Variants in STK39 observed in about 807,000 individuals in gnomAD.
STK39 encodes the protein serine/threonine kinase 39.
Under a neutral mutation model 77.8 loss-of-function variants are expected in STK39, and 20 were observed. That is an observed-to-expected ratio of 0.26 (90% CI 0.18 to 0.37). The LOEUF is 0.37. Among genes scored for constraint, STK39 ranks in the 10% least tolerant of loss-of-function variants. The pLI, the probability that STK39 is intolerant of heterozygous loss-of-function variation, is 1.00. For synonymous variants in STK39, 246 were observed against 234.1 expected (o/e 1.05, Z -0.47); for missense variants, 479 against 656.5 (o/e 0.73, Z 2.95).
intron 9 of STK39, 27 bp from the exon 10 acceptor site, chr2:168,129,633 T>A: frequency 6.2e-7 from 1 of 1,614,010 alleles, no homozygotes. Context: ...CCCAACAGTT[T>A]AACATCAAAT....
intron 14 of STK39, among the ~76,000 whole-genome samples, chr2:168,060,034 C>T (rs559635232): frequency 7.9e-5 from 12 of 152,210 alleles, no homozygotes; most frequent in Non-Finnish European, 8.8e-5. Context: ...TTACCATTTT[C>T]GTTTACTTTA....
At chr2:168,142,639 G>T (rs1360840340) in intron 5 of STK39, among the ~76,000 whole-genome samples, 2 of 152,146 alleles carry the variant, frequency 1.3e-5, no homozygotes, top group Non-Finnish European at 2.9e-5. Context: ...AAGATGTATA[G>T]TAGCCATTTA....
chr2:168,112,112 T>G (rs1483028092), intron 10 of STK39, among the ~76,000 whole-genome samples: 1 of 151,394 alleles, frequency 6.6e-6, no homozygotes, highest in Non-Finnish European at 1.5e-5. Flanking sequence ...TTAAGCAACA[T>G]TTAAAGAAAA....
intron 14 of STK39, among the ~76,000 whole-genome samples, chr2:168,044,532 C>T (rs1191108793): frequency 6.6e-6 from 1 of 152,074 alleles, no homozygotes; most frequent in African/African-American, 2.4e-5. Context: ...AAGAAAGATG[C>T]TAACACTGAA....
chr2:168,037,525 G>A lies in STK39; in HGVS notation c.1377-20430C>T, dbSNP rs140617498. Among the ~76,000 whole-genome samples the A allele has an allele frequency of 2.0e-4, 30 of 152,252 alleles. No homozygotes were observed. In the East Asian group the frequency reaches 5.8e-3, roughly 29 times the overall value. On this transcript the variant is annotated intron_variant, in intron 14 of 17. Coordinates refer to ENST00000355999, the MANE Select transcript of STK39 (RefSeq NM_013233.3). ...AGTTTTTAGGTCATTGTTTATGGTG[G>A]CGAAAATCTGGAACCAAATTAAGTC...
At position 168,140,686 on chromosome 2, in the gene STK39, C is replaced by T. The variant is rs1351251071; in HGVS notation, c.701G>A (p.Gly234Asp). Residue 234 changes from glycine (G) to aspartate (D), a missense_variant, in exon 6 of 18, where the codon GGC (glycine) becomes GAC (aspartate). Physicochemically the swap from Gly to Asp is moderately conservative, Grantham distance 94. Coordinates refer to ENST00000355999, the MANE Select transcript of STK39 (RefSeq NM_013233.3). ...TTCAGGAGCCATCCAACATGGGGTG[C>T]CAACGAATGTTTTTCTTACTTTATT... ...TRNKVRKTFV[G>D]TPCWMAPEVM... The T allele has an allele frequency of 6.2e-7, 1 of 1,611,604 alleles. No individual in the cohort carries two copies. Among genetic ancestry groups the T allele is most frequent in the Admixed American group, 1.7e-5 (1 of 59,884 alleles).
intron 12 of STK39, among the ~76,000 whole-genome samples, chr2:168,071,292 T>C (rs1450436576): frequency 6.6e-6 from 1 of 152,286 alleles, no homozygotes; most frequent in South Asian, 2.1e-4. Flanking sequence ...ACCCAATTCA[T>C]GTCATCAGTG....
intron 14 of STK39, among the ~76,000 whole-genome samples, chr2:168,017,736 C>A (rs1267298876): frequency 6.6e-6 from 1 of 151,570 alleles, no homozygotes; most frequent in Non-Finnish European, 1.5e-5. Flanking sequence ...CATTTTTTTT[C>A]TTGAAAAATA....
intron 8 of STK39, among the ~76,000 whole-genome samples, chr2:168,134,899 T>C (rs1687792022): frequency 6.6e-6 from 1 of 152,206 alleles, no homozygotes; most frequent in East Asian, 1.9e-4. Context: ...TACAGGTAGA[T>C]GATCTACATT....
chr2:167,984,788 C>T (rs781275721), intron 16 of STK39, among the ~76,000 whole-genome samples: 5 of 152,094 alleles, frequency 3.3e-5, no homozygotes, highest in African/African-American at 9.6e-5. Flanking sequence ...TAAAAATACA[C>T]TTAAAATAAT....
intron 16 of STK39, among the ~76,000 whole-genome samples, chr2:168,009,839 G>A (rs1028883829): frequency 2.0e-5 from 3 of 152,096 alleles, no homozygotes; most frequent in African/African-American, 4.8e-5. Flanking sequence ...CTAAAGCATA[G>A]AAAAAGAAAA....
intron 1 of STK39, among the ~76,000 whole-genome samples, chr2:168,227,671 TTTTTTA>T (rs1690342076): frequency 6.6e-6 from 1 of 152,234 alleles, no homozygotes; most frequent in Non-Finnish European, 1.5e-5. Context: ...ACAATTTTTC[TTTTTTA>T]TTTATTTATT....
At chr2:168,170,271 C>T (rs564605945) in intron 2 of STK39, among the ~76,000 whole-genome samples, 64 of 152,276 alleles carry the variant, frequency 4.2e-4, no homozygotes, top group African/African-American at 1.3e-3. Flanking sequence ...ATGCCCTAAC[C>T]GCATTCATAT....
chr2:168,108,032 T>C (rs1687024749), intron 10 of STK39, among the ~76,000 whole-genome samples: 1 of 152,208 alleles, frequency 6.6e-6, no homozygotes. Flanking sequence ...TCAAAAACCC[T>C]GGCAAAATTC....
At chr2:168,164,683 T>G (rs970235270) in intron 3 of STK39, among the ~76,000 whole-genome samples, 12 of 152,182 alleles carry the variant, frequency 7.9e-5, no homozygotes, top group African/African-American at 2.9e-4. Context: ...GCTGGGCTTA[T>G]AGGCATAAGC....
At chr2:168,101,799 A>C (rs1686835581) in intron 10 of STK39, among the ~76,000 whole-genome samples, 1 of 152,142 alleles carries the variant, frequency 6.6e-6, no homozygotes. Context: ...GAGATAATCC[A>C]CCGTAAAACT....
chr2:168,181,162 T>C (rs1227848805), intron 2 of STK39, among the ~76,000 whole-genome samples: 1 of 152,170 alleles, frequency 6.6e-6, no homozygotes, highest in Non-Finnish European at 1.5e-5. Flanking sequence ...AGTGTGGGGA[T>C]AACCAATCAG....
chr2:168,151,439 T>C (rs1176208154), intron 5 of STK39, among the ~76,000 whole-genome samples: 3 of 151,932 alleles, frequency 2.0e-5, no homozygotes, highest in African/African-American at 7.3e-5. Context: ...GATAGAAAAA[T>C]TGAAAGAAAA....
intron 5 of STK39, among the ~76,000 whole-genome samples, chr2:168,146,277 C>T (rs1574501823): frequency 6.6e-6 from 1 of 152,214 alleles, no homozygotes; most frequent in Non-Finnish European, 1.5e-5. Context: ...AAGTTGATTT[C>T]TCTAAAACCT....
Sources: allele counts gnomAD v4.1 joint callset (sites outside exome capture counted in the v4.1 genomes callset), GRCh38; gene constraint gnomAD v4.1.1; transcripts MANE v1.5; gene names NCBI Gene and HGNC (gene_info 2026-07-23, HGNC 2026-07-21).